ANKIB1: variants seen among roughly 807,000 people sequenced by gnomAD.
ANKIB1 encodes ankyrin repeat and IBR domain containing 1.
A neutral mutation model predicts 122.1 loss-of-function variants in ANKIB1; 43 were observed. The observed-to-expected ratio is 0.35, with a 90% CI of 0.28 to 0.45. ANKIB1 has a LOEUF of 0.45. Among genes scored for constraint, ANKIB1 ranks in the 20% least tolerant of loss-of-function variants. The pLI, the probability that ANKIB1 is intolerant of heterozygous loss-of-function variation, is 1.00. For synonymous variants in ANKIB1, 390 were observed against 442.0 expected, an observed-to-expected ratio of 0.88 and a Z score of 1.48; for missense variants, 992 against 1,329.5, an observed-to-expected ratio of 0.75 and a Z score of 3.95.
intron 3 of ANKIB1, among the ~76,000 whole-genome samples, chr7:92,313,774 G>A (rs909329139): frequency 3.9e-5 from 6 of 152,122 alleles, no homozygotes; most frequent in East Asian, 1.9e-4. Flanking sequence ...CATTCTGAAC[G>A]TTTATCTCTG....
chr7:92,391,622 A>G (rs1178422255), intron 16 of ANKIB1, among the ~76,000 whole-genome samples: 1 of 152,072 alleles, frequency 6.6e-6, no homozygotes, highest in Non-Finnish European at 1.5e-5. Flanking sequence ...AAATAAGAGT[A>G]TTCTAATGTA....
At position 92,398,809 on chromosome 7, in the gene ANKIB1, G is replaced by T; in HGVS notation, c.3130G>T (p.Glu1044Ter). Reference protein sequence around the residue: ...GTQIEENPLEENILAGEAASQ... With the variant: ...GTQIEENPLE The stretch of plus-strand genomic sequence containing the variant: ...CCAGATAGAAGAAAATCCTTTGGAA[G>T]AAAATATTCTGGCGGGGGAAGCAGC... Residue 1044 changes from glutamate to a stop codon, truncating the protein, a stop_gained, in exon 20 of 20, where the codon GAA (glutamate) becomes TAA (stop). Transcript: ENST00000265742. LOFTEE classifies it high-confidence loss of function. 1 of 1,608,670 alleles carries T rather than the reference G, an allele frequency of 6.2e-7. No individual in the cohort carries two copies. Among genetic ancestry groups the T allele is most frequent in the Non-Finnish European group, 8.5e-7 (1 of 1,177,336 alleles).
chr7:92,275,251 A>C (rs1801877452), intron 1 of ANKIB1, among the ~76,000 whole-genome samples: 1 of 152,004 alleles, frequency 6.6e-6, no homozygotes, highest in Admixed American at 6.6e-5. Context: ...GGATTTCAGG[A>C]GCATATTGAC....
chr7:92,305,756 A>G (rs577496212), intron 2 of ANKIB1, among the ~76,000 whole-genome samples: 1 of 152,196 alleles, frequency 6.6e-6, no homozygotes, highest in African/African-American at 2.4e-5. Context: ...GAAAATAAGC[A>G]TGTAGAGAAA....
At chr7:92,308,883 A>G (rs1802627135) in intron 3 of ANKIB1, among the ~76,000 whole-genome samples, 1 of 152,206 alleles carries the variant, frequency 6.6e-6, no homozygotes, top group Non-Finnish European at 1.5e-5. Flanking sequence ...TACTAAAAGT[A>G]TATACCTTTA....
rs1205911550 is a variant in ANKIB1 at position 92,352,553 on chromosome 7, A to G, written c.1308A>G (p.Gln436=). ...GCDRAVRLTK[Q]GSNTSGSDTL... ...ACAGAGCAGTAAGACTAACGAAACA[A>G]GGGTCAAATACATCTGGATCTGATA... The change falls in exon 9 of 20, where the codon CAA becomes CAG. Residue 436 remains glutamine (Q), a synonymous_variant. Transcript: ENST00000265742. 8.1e-6 allele frequency: 13 copies of G among 1,613,684 alleles called. No homozygotes were observed. The highest frequency in any genetic ancestry group is 2.2e-5 in the South Asian group (2 of 91,034).
chr7:92,305,615 G>T lies in ANKIB1; in HGVS notation c.189-1744G>T, dbSNP rs141730298. 4.9e-3 allele frequency among the ~76,000 whole-genome samples: 741 copies of T among 152,314 alleles called. 1 individual carries two copies. Among genetic ancestry groups the T allele is most frequent in the Middle Eastern group, 0.02 (6 of 294 alleles). ...CAAACTGAACTGGTGGGGGAGCCTA[G>T]TGTAAAGAGGCTTCTAAGTAGTGTT... On this transcript the variant is annotated intron_variant, in intron 2 of 19. Coordinates refer to ENST00000265742, the MANE Select transcript of ANKIB1 (RefSeq NM_019004.2).
At chr7:92,252,644 T>C (rs1801351125) in intron 1 of ANKIB1, among the ~76,000 whole-genome samples, 2 of 152,184 alleles carry the variant, frequency 1.3e-5, no homozygotes, top group Admixed American at 1.3e-4. Flanking sequence ...TTCAATTTTG[T>C]GAAATGTGTT....
chr7:92,398,497 C>T lies in ANKIB1; in HGVS notation c.2818C>T (p.His940Tyr), dbSNP rs780192380. The change falls in exon 20 of 20, where the codon CAC becomes TAC. Residue 940 changes from histidine (H) to tyrosine (Y), a missense_variant. By Grantham distance (83) the His-to-Tyr change is moderately conservative. Transcript: ENST00000265742. ...ATTTTCAACTGACACCCTGAGCTCA[C>T]ACCCTCTCAGTGAGGCAAGAAGTGA... is the stretch of plus-strand genomic sequence containing the variant. Reference protein sequence around the residue: ...DPFSTDTLSSHPLSEARSDFC... With the variant: ...DPFSTDTLSSYPLSEARSDFC... The T allele has an allele frequency of 6.2e-7, 1 of 1,614,008 alleles. No individual in the cohort carries two copies. The highest frequency in any genetic ancestry group is 8.5e-7 in the Non-Finnish European group (1 of 1,179,872).
intron 1 of ANKIB1, among the ~76,000 whole-genome samples, chr7:92,290,370 AGTGTGTGTGTGTGTGT>A (rs34404682): frequency 3.5e-5 from 5 of 141,332 alleles, no homozygotes; most frequent in African/African-American, 1.0e-4. Context: ...TATGTATGAA[AGTGTGTGTGTGTGTGT>A]GTGTGTGTGT....
At chr7:92,361,004 A>G (rs1481932670) in intron 9 of ANKIB1, among the ~76,000 whole-genome samples, 1 of 152,160 alleles carries the variant, frequency 6.6e-6, no homozygotes, top group African/African-American at 2.4e-5. Context: ...AGCTGGGACT[A>G]CAGGCACGAG....
At chr7:92,264,128 G>A (rs1801619750) in intron 1 of ANKIB1, among the ~76,000 whole-genome samples, 1 of 149,602 alleles carries the variant, frequency 6.7e-6, no homozygotes, top group East Asian at 2.0e-4. Context: ...TCATTTTTAA[G>A]AAACAAACTT....
Position 92,280,161 on chromosome 7 carries a change from G to A in ANKIB1, c.-90-14728G>A, listed in dbSNP as rs377649767. Among the ~76,000 whole-genome samples, 48 of 152,288 alleles carry A rather than the reference G, an allele frequency of 3.2e-4. 1 individual carries two copies. Among genetic ancestry groups the A allele is most frequent in the African/African-American group, 9.9e-4 (41 of 41,552 alleles). On this transcript the variant is annotated intron_variant, in intron 1 of 19. Coordinates refer to ENST00000265742, the MANE Select transcript of ANKIB1 (RefSeq NM_019004.2). ...AACTGTTCTTCTTTTCAGCTTTCCT[G>A]ATTGGGATGATCCCTCTAGCATTTA...
chr7:92,392,886 CAAATAA>C (rs1804816175), intron 17 of ANKIB1, among the ~76,000 whole-genome samples: 1 of 151,978 alleles, frequency 6.6e-6, no homozygotes, highest in Admixed American at 6.6e-5. Context: ...GCAGTTGTGG[CAAATAA>C]AAATAAGACA....
intron 10 of ANKIB1, among the ~76,000 whole-genome samples, chr7:92,366,633 C>T (rs1324143818): frequency 6.6e-6 from 1 of 152,092 alleles, no homozygotes; most frequent in Non-Finnish European, 1.5e-5. Flanking sequence ...TCCATCTTTC[C>T]AAATCAAAAC....
chr7:92,363,282 G>C (rs191721401), intron 10 of ANKIB1, among the ~76,000 whole-genome samples: 3 of 152,000 alleles, frequency 2.0e-5, no homozygotes, highest in African/African-American at 7.3e-5. Flanking sequence ...GTGGTGGCAC[G>C]TGCCTGTAGT....
intron 1 of ANKIB1, among the ~76,000 whole-genome samples, chr7:92,258,963 G>GT (rs922209518): frequency 2.0e-4 from 30 of 150,598 alleles, no homozygotes; most frequent in South Asian, 1.7e-3. Flanking sequence ...GTTTTGTTTT[G>GT]TTTTTTTTGA....
At chr7:92,322,269 G>T (rs1307347446) in intron 4 of ANKIB1, among the ~76,000 whole-genome samples, 3 of 151,942 alleles carry the variant, frequency 2.0e-5, no homozygotes, top group Non-Finnish European at 4.4e-5. Context: ...ATTGAATCAG[G>T]TAATAATAGT....
intron 9 of ANKIB1, among the ~76,000 whole-genome samples, chr7:92,355,508 G>A (rs1417844075): frequency 6.6e-6 from 1 of 152,094 alleles, no homozygotes; most frequent in Non-Finnish European, 1.5e-5. Flanking sequence ...CACATAGACA[G>A]TCAAACATAT....
Sources: allele counts gnomAD v4.1 joint callset (sites outside exome capture counted in the v4.1 genomes callset), GRCh38; gene constraint gnomAD v4.1.1; transcripts MANE v1.5; gene names NCBI Gene and HGNC (gene_info 2026-07-23, HGNC 2026-07-21).